Variants in TTLL7 observed in about 807,000 individuals in gnomAD.
TTLL7 encodes the protein tubulin polyglutamylase TTLL7.
Under a neutral mutation model 120.2 loss-of-function variants are expected in TTLL7, and 53 were observed. The ratio of observed to expected loss-of-function variants is 0.44; its 90% CI spans 0.35 to 0.55. TTLL7 has a LOEUF of 0.55. Among genes scored for constraint, TTLL7 ranks in the 20% least tolerant of loss-of-function variants. The probability of loss-of-function intolerance (pLI) is 0.00; values close to 1 mark genes in which losing one functional copy is unlikely to be tolerated. For synonymous variants in TTLL7, 353 were observed against 351.7 expected, an observed-to-expected ratio of 1.00 and a Z score of -0.04; for missense variants, 803 against 1,054.7, an observed-to-expected ratio of 0.76 and a Z score of 3.31.
chr1:83,989,436 C>A (rs1485196525), intron 1 of TTLL7, among the ~76,000 whole-genome samples: 2 of 151,960 alleles, frequency 1.3e-5, no homozygotes, highest in Non-Finnish European at 2.9e-5. Context: ...AACAGGAAGT[C>A]TTTTCCATAT....
At chr1:83,988,251 T>C (rs1652665293) in intron 1 of TTLL7, among the ~76,000 whole-genome samples, 1 of 152,240 alleles carries the variant, frequency 6.6e-6, no homozygotes, top group African/African-American at 2.4e-5. Context: ...ATGGTGTATA[T>C]GTACCACATT....
At chr1:83,882,931 A>C (rs1654642855) in intron 20 of TTLL7, 32 bp downstream of exon 20, 1 of 1,593,702 alleles carries the variant, frequency 6.3e-7, no homozygotes, top group African/African-American at 1.4e-5. Flanking sequence ...TTTACATAAA[A>C]CTCTCAAGGG....
intron 18 of TTLL7, among the ~76,000 whole-genome samples, chr1:83,900,422 T>C (rs1656622460): frequency 6.6e-6 from 1 of 151,936 alleles, no homozygotes; most frequent in Non-Finnish European, 1.5e-5. Context: ...AAGATTCAAG[T>C]AGAGAAAGAT....
At chr1:83,956,445 G>A (rs954676171) in intron 1 of TTLL7, among the ~76,000 whole-genome samples, 1 of 64,242 alleles carries the variant, frequency 1.6e-5, no homozygotes, top group Non-Finnish European at 3.9e-5. Context: ...TTTTTTTTTT[G>A]ACACGAAGTT....
chr1:83,972,171 A>G (rs987055229), intron 1 of TTLL7, among the ~76,000 whole-genome samples: 2 of 152,098 alleles, frequency 1.3e-5, no homozygotes, highest in Non-Finnish European at 2.9e-5. Context: ...AGTGTTGTAC[A>G]TTCTATGGGT....
intron 1 of TTLL7, among the ~76,000 whole-genome samples, chr1:83,982,305 T>C (rs1652036847): frequency 6.6e-6 from 1 of 152,122 alleles, no homozygotes. Context: ...CCTAAATGCT[T>C]ACATTAGAAA....
chr1:83,919,745 G>A lies in TTLL7; in HGVS notation c.1454C>T (p.Ala485Val), dbSNP rs1433207386. Reference sequence around the variant, plus strand: ...ATTCAACTCTCGCTGGAATGAAGCTGCTCTTCCTGAAAGGAAGGTCTGAAA... The same window carrying A: ...ATTCAACTCTCGCTGGAATGAAGCTACTCTTCCTGAAAGGAAGGTCTGAAA... ...VAFQTFLSGRAASFQRELNNP... is the reference protein window; with the variant it reads ...VAFQTFLSGRVASFQRELNNP... The change falls in exon 13 of 21, where the codon GCA becomes GTA. Residue 485 changes from alanine to valine, a missense_variant. Coordinates refer to ENST00000260505, the MANE Select transcript of TTLL7 (RefSeq NM_024686.6). The A allele has an allele frequency of 6.2e-7, 1 of 1,612,894 alleles. No homozygotes were observed. Among genetic ancestry groups the A allele is most frequent in the Non-Finnish European group, 8.5e-7 (1 of 1,179,382 alleles).
At position 83,933,595 on chromosome 1, in the gene TTLL7, A is replaced by C; in HGVS notation, c.1047+13T>G. 1 of 1,603,686 alleles carries C rather than the reference A, an allele frequency of 6.2e-7. No homozygotes were observed. Among genetic ancestry groups the C allele is most frequent in the Non-Finnish European group, 8.5e-7 (1 of 1,176,924 alleles). On this transcript the variant is annotated intron_variant, in intron 9 of 20. Coordinates refer to ENST00000260505, the MANE Select transcript of TTLL7 (RefSeq NM_024686.6). Reference sequence around the variant, plus strand: ...CAGTGATAACTCTTCTTTTTTCTTAAAGAATGCCTTACCTCCAGAAGCCAT... The same window carrying C: ...CAGTGATAACTCTTCTTTTTTCTTACAGAATGCCTTACCTCCAGAAGCCAT...
intron 1 of TTLL7, chr1:83,979,475 A>G (rs1221479437): frequency 6.6e-6 from 1 of 152,210 alleles, no homozygotes; most frequent in African/African-American, 2.4e-5. Flanking sequence ...GTAAGTCACA[A>G]ATCTTTTAAT....
At chr1:83,957,305 CAT>C (rs1649616412) in intron 1 of TTLL7, among the ~76,000 whole-genome samples, 2 of 152,110 alleles carry the variant, frequency 1.3e-5, no homozygotes, top group African/African-American at 4.8e-5. Flanking sequence ...CCCCAGTAAA[CAT>C]AATATATGAG....
At position 83,919,705 on chromosome 1, in the gene TTLL7, C is replaced by G; in HGVS notation, c.1494G>C (p.Arg498Ser). ...FQRELNNPLK[R>S]MKEEDILDLL... ...TAAACATTCATTCTCTTACCTTCATCCTTTTCAAAGGATTATTCAACTCTC... is the reference window on the plus strand; with the variant it reads ...TAAACATTCATTCTCTTACCTTCATGCTTTTCAAAGGATTATTCAACTCTC... Residue 498 changes from arginine to serine, a missense_variant, in exon 13 of 21, where the codon AGG (arginine) becomes AGC (serine). Arg to Ser is a moderately radical substitution (Grantham distance 110, BLOSUM62 -1). This residue lies in a region of TTLL7 where 324 missense variants were observed against 507.7 expected (regional missense o/e 0.64). Transcript: ENST00000260505. 1 of 1,610,764 alleles carries G rather than the reference C, an allele frequency of 6.2e-7. No homozygotes were observed. Among genetic ancestry groups the G allele is most frequent in the Non-Finnish European group, 8.5e-7 (1 of 1,178,510 alleles).
In TTLL7 at chr1:83,866,002, A is replaced by C. The variant is rs763394814; in HGVS notation, c.*3960T>G. 4 of 151,950 alleles carry C rather than the reference A, an allele frequency of 2.6e-5. No individual in the cohort carries two copies. Among genetic ancestry groups the C allele is most frequent in the African/African-American group, 4.8e-5 (2 of 41,452 alleles). 9.4% of individuals were successfully genotyped at this position (151,950 alleles called of 1,614,324 possible). On this transcript the variant is annotated 3_prime_UTR_variant, in exon 21 of 21. Coordinates refer to ENST00000260505, the MANE Select transcript of TTLL7 (RefSeq NM_024686.6). ...AACTAATACGGCCCTTGAAAACTTA[A>C]ATTTCTTAAAGAGAAAAGCAAATTT... is the stretch of plus-strand genomic sequence containing the variant.
chr1:83,964,976 A>G lies in TTLL7; in HGVS notation c.-176-12589T>C, dbSNP rs568548447. 8.5e-5 allele frequency among the ~76,000 whole-genome samples: 13 copies of G among 152,208 alleles called. No homozygotes were observed. The South Asian group carries it at 2.7e-3, about 32-fold the overall frequency. On this transcript the variant is annotated intron_variant, in intron 1 of 20. Transcript: ENST00000260505. ...AAGTCTTACTAGAAAAAAAATGTGC[A>G]TTCTTTAGAACAATCTTAATCAATG...
At chr1:83,889,842 C>G (rs1655296481) in intron 19 of TTLL7, 1 of 450,402 alleles carries the variant, frequency 2.2e-6, no homozygotes, top group Non-Finnish European at 4.5e-6. Context: ...GATGCAGATG[C>G]CCCTGTGATA....
chr1:83,998,874 TG>T (rs1653730397), intron 1 of TTLL7, 56 bp downstream of exon 1: 1 of 352,848 alleles, frequency 2.8e-6, no homozygotes, highest in Non-Finnish European at 5.7e-6. Flanking sequence ...GCGGAGCCTT[TG>T]GGGACGTGGG....
chr1:83,902,805 A>G (rs910739670), intron 18 of TTLL7, among the ~76,000 whole-genome samples: 9 of 151,896 alleles, frequency 5.9e-5, no homozygotes, highest in Non-Finnish European at 2.9e-5. Context: ...CACACTCAAC[A>G]TTTTCACTTG....
At chr1:83,885,141 T>C (rs1394596643) in intron 19 of TTLL7, 12 of 242,794 alleles carry the variant, frequency 4.9e-5, no homozygotes, top group Non-Finnish European at 7.3e-5. Flanking sequence ...TATACTTTGA[T>C]TTAGCAGACC....
intron 1 of TTLL7, among the ~76,000 whole-genome samples, chr1:83,982,126 A>AC (rs1652023442): frequency 6.6e-6 from 1 of 152,218 alleles, no homozygotes; most frequent in African/African-American, 2.4e-5. Flanking sequence ...GAAACCAATA[A>AC]CAGAAACAGC....
At position 83,865,086 on chromosome 1, in the gene TTLL7, CCATACAGATATCA is replaced by C. The variant is rs1299933264; in HGVS notation, c.*4863_*4875del. ...TATCAGAGTAATTGAAATAACTTCA[CCATACAGATATCA>C]CATGCTGGAGCATGACAATGCAACG... On this transcript the variant is annotated 3_prime_UTR_variant, in exon 21 of 21. Coordinates refer to ENST00000260505, the MANE Select transcript of TTLL7 (RefSeq NM_024686.6). 4 of 151,654 alleles carry C rather than the reference CCATACAGATATCA, an allele frequency of 2.6e-5. No individual in the cohort carries two copies. The highest frequency in any genetic ancestry group is 5.9e-5 in the Non-Finnish European group (4 of 67,840). The allele number at this position is 151,654 out of a possible 1,614,324, so 9.4% of individuals were successfully genotyped here. A position where few individuals can be genotyped will look rare whatever the true frequency, so the allele number is the denominator to read the frequency against.
Sources: gnomAD v4.1 joint callset for allele counts (sites outside exome capture counted in the v4.1 genomes callset) on GRCh38, gnomAD v4.1.1 for gene constraint, gnomAD v4.1.1 regional missense constraint, MANE v1.5 for transcripts, NCBI Gene and HGNC (gene_info 2026-07-23, HGNC 2026-07-21) for gene names.